The following PCDH15 variants were observed in gnomAD, a reference collection of about 807,000 sequenced individuals.
PCDH15 encodes protocadherin related 15.
Under a neutral mutation model 178.5 loss-of-function variants are expected in PCDH15, and 129 were observed. The ratio of observed to expected loss-of-function variants is 0.72; its 90% CI spans 0.63 to 0.84. The LOEUF (loss-of-function observed/expected upper bound fraction) is 0.84, where lower values mean the gene tolerates loss of function less well. PCDH15 is among the 40% of genes least tolerant of loss of function. The pLI, the probability that PCDH15 is intolerant of heterozygous loss-of-function variation, is 0.00. For missense variants in PCDH15, 2,230 were observed against 2,099.9 expected (o/e 1.06, Z -1.21); for synonymous variants, 800 against 732.0 (o/e 1.09, Z -1.50).
intron 11 of PCDH15, 143 bp from the exon 12 acceptor site, chr10:54,185,411 A>G: frequency 1.1e-6 from 1 of 935,264 alleles, no homozygotes; most frequent in Non-Finnish European, 1.6e-6. Context: ...ATATTTAACT[A>G]GATATTTACT....
At chr10:54,957,680 T>C (rs571876770) in intron 2 of PCDH15, among the ~76,000 whole-genome samples, 12 of 151,550 alleles carry the variant, frequency 7.9e-5, no homozygotes, top group African/African-American at 2.9e-4. Context: ...GAAAATACAA[T>C]GATCAAAATG....
chr10:55,286,586 C>T (rs2132263351), intron 1 of PCDH15, among the ~76,000 whole-genome samples: 1 of 151,548 alleles, frequency 6.6e-6, no homozygotes, highest in South Asian at 2.1e-4. Context: ...GCTGTAGGTG[C>T]TACAAATACA....
At chr10:55,547,405 A>G (rs1215592384) in intron 2 of PCDH15, among the ~76,000 whole-genome samples, 4 of 152,154 alleles carry the variant, frequency 2.6e-5, no homozygotes, top group African/African-American at 9.7e-5. Context: ...TTGTTCTGAC[A>G]TGGCATATTG....
intron 2 of PCDH15, among the ~76,000 whole-genome samples, chr10:54,944,052 A>T (rs1469191768): frequency 6.6e-6 from 1 of 151,946 alleles, no homozygotes; most frequent in African/African-American, 2.4e-5. Flanking sequence ...CTAAGAACAT[A>T]TGTCTCAGCC....
At chr10:53,978,392 G>A (rs2090362056) in intron 21 of PCDH15, among the ~76,000 whole-genome samples, 1 of 152,156 alleles carries the variant, frequency 6.6e-6, no homozygotes, top group South Asian at 2.1e-4. Flanking sequence ...GGCCTGAACT[G>A]TACCTTGGCC....
intron 26 of PCDH15, among the ~76,000 whole-genome samples, chr10:53,888,310 G>GTATATATATATATATATACATATATA (rs1554845230): frequency 2.4e-4 from 7 of 28,710 alleles, no homozygotes; most frequent in Non-Finnish European, 5.5e-4. Context: ...ATATATATAT[G>GTATATATATATATATATACATATATA]TATATATGTA....
At chr10:55,188,688 A>G (rs1380336870) in intron 1 of PCDH15, among the ~76,000 whole-genome samples, 1 of 151,918 alleles carries the variant, frequency 6.6e-6, no homozygotes, top group Non-Finnish European at 1.5e-5. Context: ...TTTTTTTAAA[A>G]AAAATAAAGT....
intron 1 of PCDH15, among the ~76,000 whole-genome samples, chr10:54,665,799 C>A (rs117827617): frequency 1.3e-5 from 2 of 151,852 alleles, no homozygotes; most frequent in African/African-American, 4.8e-5. Context: ...AAGTGCTTGG[C>A]GCGTGCATTT....
intron 3 of PCDH15, among the ~76,000 whole-genome samples, chr10:54,852,426 G>C (rs1220686649): frequency 2.0e-5 from 3 of 152,122 alleles, no homozygotes; most frequent in African/African-American, 7.2e-5. Flanking sequence ...TGAGATTATG[G>C]AGGATGTGAC....
intron 15 of PCDH15, among the ~76,000 whole-genome samples, chr10:54,105,457 G>A (rs892679633): frequency 6.6e-6 from 1 of 151,854 alleles, no homozygotes; most frequent in African/African-American, 2.4e-5. Flanking sequence ...GAGGAGCAAG[G>A]AATTCAGTCT....
At chr10:53,846,600 G>A (rs61858297) in intron 28 of PCDH15, among the ~76,000 whole-genome samples, 1,798 of 151,814 alleles carry the variant, frequency 0.012, 22 homozygotes, top group Non-Finnish European at 0.014. Context: ...CAATTGGTTC[G>A]CTTAACTTAC....
intron 2 of PCDH15, among the ~76,000 whole-genome samples, chr10:55,148,331 G>GT (rs1397353244): frequency 6.6e-6 from 1 of 151,828 alleles, no homozygotes; most frequent in Admixed American, 6.6e-5. Context: ...CCAGAAGATA[G>GT]TAAGTCACAA....
chr10:55,274,975 C>A (rs1040860257), intron 1 of PCDH15, among the ~76,000 whole-genome samples: 1 of 152,032 alleles, frequency 6.6e-6, no homozygotes, highest in Non-Finnish European at 1.5e-5. Context: ...GGTAGGGACC[C>A]CTGCATTAAA....
In PCDH15 at chr10:54,125,192, A is replaced by G. The variant is rs191193393; in HGVS notation, c.1917+7683T>C. On this transcript the variant is annotated intron_variant, in intron 15 of 37. Coordinates refer to ENST00000644397, the MANE Select transcript of PCDH15 (RefSeq NM_001384140.1). ...AGGTAACTGGAGGTGTCAACATTCA[A>G]CTTCTTGGTCTGTTTCTCGTCATTT... Among the ~76,000 whole-genome samples, 26 of 152,224 alleles carry G rather than the reference A, an allele frequency of 1.7e-4. No individual in the cohort carries two copies. In the East Asian group the frequency reaches 4.8e-3, roughly 28 times the overall value.
intron 26 of PCDH15, among the ~76,000 whole-genome samples, chr10:53,900,241 C>A (rs868276341): frequency 2.6e-4 from 40 of 151,254 alleles, no homozygotes; most frequent in Middle Eastern, 3.4e-3. Context: ...CTCCCCCCCT[C>A]TCTCTGTCTG....
chr10:54,936,608 T>C (rs542154295), intron 2 of PCDH15, among the ~76,000 whole-genome samples: 175 of 152,084 alleles, frequency 1.2e-3, no homozygotes, highest in African/African-American at 3.9e-3. Flanking sequence ...ACTGTGAATT[T>C]AATTTTCTCT....
At chr10:54,999,966 C>T (rs891641587) in intron 2 of PCDH15, among the ~76,000 whole-genome samples, 2 of 152,084 alleles carry the variant, frequency 1.3e-5, no homozygotes, top group African/African-American at 2.4e-5. Flanking sequence ...ATAGAGATCA[C>T]GTGCTTCACA....
At chr10:54,504,995 G>T (rs1390130334) in intron 3 of PCDH15, among the ~76,000 whole-genome samples, 1 of 152,030 alleles carries the variant, frequency 6.6e-6, no homozygotes, top group Non-Finnish European at 1.5e-5. Flanking sequence ...TTTAAAAAAT[G>T]CCAGCTGGTC....
At chr10:55,022,438 C>T (rs932363297) in intron 2 of PCDH15, among the ~76,000 whole-genome samples, 2 of 107,324 alleles carry the variant, frequency 1.9e-5, no homozygotes, top group African/African-American at 3.2e-5. Context: ...GGTGACAGAG[C>T]GAGACTCTGT....
Sources: allele counts gnomAD v4.1 joint callset (sites outside exome capture counted in the v4.1 genomes callset), GRCh38; gene constraint gnomAD v4.1.1; transcripts MANE v1.5; gene names NCBI Gene and HGNC (gene_info 2026-07-23, HGNC 2026-07-21).